The following DAB2IP variants were observed in gnomAD, a reference collection of about 807,000 sequenced individuals.
DAB2IP encodes the protein DAB2 interacting protein.
Under a neutral mutation model 107.2 loss-of-function variants are expected in DAB2IP, and 28 were observed. That is an observed-to-expected ratio of 0.26 (90% CI 0.19 to 0.36). The LOEUF is 0.36. Among genes scored for constraint, DAB2IP ranks in the 10% least tolerant of loss-of-function variants. The pLI is 1.00. For synonymous variants in DAB2IP, 755 were observed against 706.4 expected (o/e 1.07, Z -1.09); for missense variants, 1,400 against 1,644.7 (o/e 0.85, Z 2.57).
chr9:121,737,732 G>C (rs1832031022), intron 3 of DAB2IP: 1 of 985,368 alleles, frequency 1.0e-6, no homozygotes, highest in African/African-American at 1.7e-5. Context: ...TTGAAGTCCT[G>C]TGGGAGGGAG....
Position 121,628,297 on chromosome 9 carries a change from G to A in DAB2IP, c.41-50381G>A, listed in dbSNP as rs540088294. ...CATCCTAGCAGACTGGATTAGGTGGGCCCCCCCCATCCTAGTGATCCTGAG... is the reference window on the plus strand; with the variant it reads ...CATCCTAGCAGACTGGATTAGGTGGACCCCCCCCATCCTAGTGATCCTGAG... On this transcript the variant is annotated intron_variant, in intron 1 of 16. Coordinates refer to the DAB2IP transcript ENST00000259371. Among the ~76,000 whole-genome samples, 10 of 151,900 alleles carry A rather than the reference G, an allele frequency of 6.6e-5. No individual in the cohort carries two copies. In the South Asian group the frequency reaches 1.3e-3, roughly 19 times the overall value.
chr9:121,773,332 C>A (rs548559366), exon 12 of DAB2IP: 10 of 1,545,210 alleles, frequency 6.5e-6, no homozygotes, highest in Non-Finnish European at 8.7e-6. Context: ...CGCGGCCGGA[C>A]GCCCCCCAAC....
At chr9:121,766,530 G>A (rs371966536) in exon 9 of DAB2IP, 90 of 1,611,036 alleles carry the variant, frequency 5.6e-5, no homozygotes, top group African/African-American at 2.1e-4. Context: ...TGTTTGCCTC[G>A]TGGAGGCAGG....
exon 16 of DAB2IP, chr9:121,783,263 G>A: frequency 1.5e-6 from 2 of 1,338,856 alleles, no homozygotes; most frequent in Non-Finnish European, 1.9e-6. Flanking sequence ...AGGACCCACA[G>A]CTTCCCACAC....
intron 1 of DAB2IP, among the ~76,000 whole-genome samples, chr9:121,601,334 C>T (rs1830678283): frequency 6.6e-6 from 1 of 152,192 alleles, no homozygotes; most frequent in South Asian, 2.1e-4. Context: ...GCTGTGTCCC[C>T]ACTTGGTGAA....
chr9:121,637,386 G>A (rs576189250), intron 1 of DAB2IP, among the ~76,000 whole-genome samples: 44 of 152,342 alleles, frequency 2.9e-4, no homozygotes, highest in African/African-American at 9.1e-4. Flanking sequence ...CACTTCGTCC[G>A]TGAAACGGTT....
chr9:121,597,484 G>GGCTA (rs1313792421), intron 1 of DAB2IP, among the ~76,000 whole-genome samples: 1 of 152,028 alleles, frequency 6.6e-6, no homozygotes, highest in African/African-American at 2.4e-5. Flanking sequence ...TCTACCCTTG[G>GGCTA]GCTAATACCA....
chr9:121,651,761 C>A lies in DAB2IP; in HGVS notation c.-15C>A. On this transcript the variant is annotated 5_prime_UTR_variant, in exon 1 of 16. Coordinates refer to ENST00000408936, the Ensembl canonical transcript of DAB2IP. The surrounding 1 kb of genome is among the most constrained non-coding windows in gnomAD (Gnocchi z 5.1). ...AGCGCGCCCAGGCCCGGCCCGGTGC[C>A]CGGCGGGCGGCAGCATGTCCGCGGG... 1 of 1,337,436 alleles carries A rather than the reference C, an allele frequency of 7.5e-7. No individual in the cohort carries two copies. Among genetic ancestry groups the A allele is most frequent in the South Asian group, 1.9e-5 (1 of 53,514 alleles). 82.8% of individuals were successfully genotyped at this position (1,337,436 alleles called of 1,614,324 possible). A position where few individuals can be genotyped will look rare whatever the true frequency, so the allele number is the denominator to read the frequency against.
In DAB2IP at chr9:121,698,197, A is replaced by G. The variant is rs1829522839; in HGVS notation, c.229-1128A>G. Among the ~76,000 whole-genome samples, 1 of 152,194 alleles carries G rather than the reference A, an allele frequency of 6.6e-6. No homozygotes were observed. The highest frequency in any genetic ancestry group is 1.5e-5 in the Non-Finnish European group (1 of 68,042). On this transcript the variant is annotated intron_variant, in intron 2 of 15. Coordinates refer to ENST00000408936, the Ensembl canonical transcript of DAB2IP. The surrounding 1 kb of genome is among the most constrained non-coding windows in gnomAD (Gnocchi z 4.1). ...ATTAATATCCCACTTGCCACCTGGAATTGAGACTGGGGTGGGTGAGCCCCC... is the reference window on the plus strand; with the variant it reads ...ATTAATATCCCACTTGCCACCTGGAGTTGAGACTGGGGTGGGTGAGCCCCC...
At chr9:121,657,737 T>G (rs1833026321) in intron 1 of DAB2IP, among the ~76,000 whole-genome samples, 1 of 152,198 alleles carries the variant, frequency 6.6e-6, no homozygotes, top group Non-Finnish European at 1.5e-5. Context: ...TCTCAGCGGT[T>G]CAGGTTTTCA....
At chr9:121,655,118 G>A (rs1832918340) in intron 1 of DAB2IP, among the ~76,000 whole-genome samples, 1 of 152,096 alleles carries the variant, frequency 6.6e-6, no homozygotes, top group African/African-American at 2.4e-5. Context: ...CTGTGGTGGG[G>A]GGTAGAGCAC....
intron 15 of DAB2IP, 118 bp downstream of exon 15, chr9:121,781,669 C>T (rs1366256914): frequency 4.0e-6 from 4 of 1,002,852 alleles, no homozygotes; most frequent in East Asian, 5.1e-5. Context: ...GAATAAGAAA[C>T]CAGAATCTGC....
chr9:121,657,117 C>T (rs567682032), intron 1 of DAB2IP, among the ~76,000 whole-genome samples: 1 of 152,322 alleles, frequency 6.6e-6, no homozygotes, highest in African/African-American at 2.4e-5. Flanking sequence ...CTGCCCCTGC[C>T]CCCTGGATCC....
In DAB2IP at chr9:121,760,221, C is replaced by G. The variant is rs567863257; in HGVS notation, c.952C>G (p.Pro318Ala). The stretch of plus-strand genomic sequence containing the variant: ...GTGGTACCCGGTGGTGACGCCCAAC[C>G]CCAAGGGCGGCAAGGGCCCTGGACC... Residue 318 changes from proline (P) to alanine (A), a missense_variant, in exon 6 of 16, where the codon CCC becomes GCC. By Grantham distance (27) the Pro-to-Ala change is conservative. Coordinates refer to ENST00000408936, the Ensembl canonical transcript of DAB2IP. The surrounding 1 kb of genome is among the most constrained non-coding windows in gnomAD (Gnocchi z 5.9). The G allele has an allele frequency of 2.5e-6, 4 of 1,613,724 alleles. No individual in the cohort carries two copies. The highest frequency in any genetic ancestry group is 3.4e-6 in the Non-Finnish European group (4 of 1,180,008).
intron 5 of DAB2IP, 61 bp from the exon 6 acceptor site, chr9:121,759,824 C>G: frequency 6.8e-7 from 1 of 1,476,634 alleles, no homozygotes; most frequent in East Asian, 2.4e-5. Context: ...AGGCTCTGGG[C>G]TGGTTGGGGG....
chr9:121,595,232 C>T (rs1210024289), intron 1 of DAB2IP, among the ~76,000 whole-genome samples: 14 of 151,752 alleles, frequency 9.2e-5, no homozygotes, highest in Admixed American at 9.2e-4. Flanking sequence ...CCATGACTCT[C>T]TGCACCTTAA....
chr9:121,728,822 G>T (rs1050123915), intron 3 of DAB2IP, among the ~76,000 whole-genome samples: 2 of 151,916 alleles, frequency 1.3e-5, no homozygotes, highest in Non-Finnish European at 2.9e-5. Context: ...TTTGGGGAGG[G>T]GGGGACAGCC....
rs1258806031 is a variant in DAB2IP, at chr9:121,599,570, G to A, written c.40+32342G>A. On this transcript the variant is annotated intron_variant, in intron 1 of 16. Transcript: ENST00000259371. This position sits in a 1 kb window ranked among gnomAD's most constrained non-coding sequence, Gnocchi z 6.9. ...GCGGCGCCGGGGGAGGCGCGGAGCC[G>A]GCCGTAGCGCGCTCCTGCCTGGCCA... 1.3e-5 allele frequency among the ~76,000 whole-genome samples: 2 copies of A among 151,916 alleles called. No homozygotes were observed. The highest frequency in any genetic ancestry group is 4.8e-5 in the African/African-American group (2 of 41,412).
intron 1 of DAB2IP, among the ~76,000 whole-genome samples, chr9:121,671,205 G>C (rs886713688): frequency 6.6e-5 from 10 of 152,102 alleles, no homozygotes; most frequent in African/African-American, 2.2e-4. Flanking sequence ...GCATGGTGGT[G>C]CATGCCTGTA....
Sources: allele counts gnomAD v4.1 joint callset (sites outside exome capture counted in the v4.1 genomes callset), GRCh38; gene constraint gnomAD v4.1.1; non-coding constraint Gnocchi (gnomAD v3.1); transcripts MANE v1.5; gene names NCBI Gene and HGNC (gene_info 2026-07-23, HGNC 2026-07-21).